The following MNAT1 variants were observed in gnomAD, a reference collection of about 807,000 sequenced individuals.
The protein encoded by MNAT1 is CDK-activating kinase assembly factor MAT1.
Under a neutral mutation model 42.0 loss-of-function variants are expected in MNAT1, and 43 were observed. The ratio of observed to expected loss-of-function variants is 1.02; its 90% CI spans 0.80 to 1.32. The LOEUF is 1.32. MNAT1 is among the 40% of genes most tolerant of loss of function. The pLI, the probability that MNAT1 is intolerant of heterozygous loss-of-function variation, is 0.00. For synonymous variants in MNAT1, 118 were observed against 120.0 expected, an observed-to-expected ratio of 0.98 and a Z score of 0.11; for missense variants, 306 against 350.4, an observed-to-expected ratio of 0.87 and a Z score of 1.01.
chr14:60,853,211 C>T (rs542260066), intron 6 of MNAT1, among the ~76,000 whole-genome samples: 11 of 152,200 alleles, frequency 7.2e-5, no homozygotes, highest in Non-Finnish European at 1.6e-4. Context: ...TGTGTCCTCT[C>T]TTATTTCCTT....
intron 7 of MNAT1, among the ~76,000 whole-genome samples, chr14:60,941,891 C>G (rs1169635436): frequency 2.0e-5 from 3 of 147,676 alleles, no homozygotes; most frequent in East Asian, 2.0e-4. Flanking sequence ...GTAATTGCAG[C>G]TACTCGGGAG....
intron 1 of MNAT1, among the ~76,000 whole-genome samples, chr14:60,766,434 C>T (rs906465613): frequency 5.3e-5 from 8 of 151,972 alleles, no homozygotes; most frequent in Non-Finnish European, 1.0e-4. Flanking sequence ...CTTTTTGTGG[C>T]CTGGCGTGGT....
intron 7 of MNAT1, among the ~76,000 whole-genome samples, chr14:60,900,564 C>T (rs373411235): frequency 9.2e-5 from 14 of 152,228 alleles, no homozygotes; most frequent in East Asian, 1.9e-4. Flanking sequence ...ATTTCCGTAA[C>T]GTAAAGTGCA....
Position 60,785,663 on chromosome 14 carries a change from T to A in MNAT1, c.90-10554T>A, listed in dbSNP as rs1253054250. 2.0e-5 allele frequency among the ~76,000 whole-genome samples: 3 copies of A among 152,232 alleles called. No homozygotes were observed. In the East Asian group the frequency reaches 5.8e-4, roughly 29 times the overall value. On this transcript the variant is annotated intron_variant, in intron 1 of 7. Transcript: ENST00000261245. Reference sequence around the variant, plus strand: ...AGATGATAGTTTATTCTCACACATCTGCTTTATATAGCTTATATAATTTAG... The same window carrying A: ...AGATGATAGTTTATTCTCACACATCAGCTTTATATAGCTTATATAATTTAG...
chr14:60,757,773 G>A (rs751552355), intron 1 of MNAT1, among the ~76,000 whole-genome samples: 10 of 152,112 alleles, frequency 6.6e-5, no homozygotes, highest in Non-Finnish European at 1.2e-4. Context: ...ATGCATTTCC[G>A]TGCTTTTAGG....
At chr14:60,890,686 A>G (rs1200070820) in intron 7 of MNAT1, among the ~76,000 whole-genome samples, 4 of 152,198 alleles carry the variant, frequency 2.6e-5, no homozygotes, top group South Asian at 2.1e-4. Flanking sequence ...TTGGAGTCCA[A>G]TGTTTGAGGA....
intron 7 of MNAT1, among the ~76,000 whole-genome samples, chr14:60,926,355 T>C (rs1022895370): frequency 2.0e-5 from 3 of 152,166 alleles, no homozygotes; most frequent in African/African-American, 4.8e-5. Context: ...GAAGATAGTA[T>C]CATATACCAC....
At chr14:60,870,977 G>A (rs1201906468) in intron 6 of MNAT1, among the ~76,000 whole-genome samples, 1 of 152,112 alleles carries the variant, frequency 6.6e-6, no homozygotes, top group Non-Finnish European at 1.5e-5. Context: ...ACATTTCCTA[G>A]AAGTGGAATC....
intron 1 of MNAT1, among the ~76,000 whole-genome samples, chr14:60,757,097 A>C (rs1244210796): frequency 6.6e-6 from 1 of 152,208 alleles, no homozygotes; most frequent in Non-Finnish European, 1.5e-5. Context: ...ATCATATGCA[A>C]CTTTCTGGTA....
intron 7 of MNAT1, among the ~76,000 whole-genome samples, chr14:60,962,849 A>G (rs1320344079): frequency 6.6e-6 from 1 of 152,188 alleles, no homozygotes; most frequent in Non-Finnish European, 1.5e-5. Flanking sequence ...GTAAATCTGA[A>G]TTCAGTTTTA....
intron 7 of MNAT1, among the ~76,000 whole-genome samples, chr14:60,924,121 T>A (rs1450206802): frequency 2.6e-5 from 4 of 152,162 alleles, no homozygotes; most frequent in Non-Finnish European, 5.9e-5. Flanking sequence ...CTGTTTCAAA[T>A]AGTCTAATTT....
chr14:60,818,426 T>C (rs554490827), intron 5 of MNAT1, among the ~76,000 whole-genome samples: 3 of 152,150 alleles, frequency 2.0e-5, no homozygotes, highest in African/African-American at 7.2e-5. Context: ...TACTACTCTT[T>C]TTGTGATTAG....
intron 7 of MNAT1, among the ~76,000 whole-genome samples, chr14:60,918,675 G>A (rs553644579): frequency 3.3e-5 from 5 of 150,176 alleles, no homozygotes; most frequent in Admixed American, 1.3e-4. Context: ...GATGGTCAAG[G>A]TTCTTGTTCC....
At position 60,782,326 on chromosome 14, in the gene MNAT1, AGGACTACCTTACATGG is replaced by A. The variant is rs549411356; in HGVS notation, c.90-13890_90-13875del. On this transcript the variant is annotated intron_variant, in intron 1 of 7. Coordinates refer to ENST00000261245, the MANE Select transcript of MNAT1 (RefSeq NM_002431.4). ...AATACTGTGGTAGAAAAGGGTGAGA[AGGACTACCTTACATGG>A]ACTGTTTTTATTTTTTGTCAAAACG... is the stretch of plus-strand genomic sequence containing the variant. Among the ~76,000 whole-genome samples, 21 of 152,258 alleles carry A rather than the reference AGGACTACCTTACATGG, an allele frequency of 1.4e-4. No individual in the cohort carries two copies. The South Asian group carries it at 4.1e-3, about 30-fold the overall frequency.
At chr14:60,791,733 C>T (rs1316263853) in intron 1 of MNAT1, among the ~76,000 whole-genome samples, 1 of 151,780 alleles carries the variant, frequency 6.6e-6, no homozygotes, top group East Asian at 1.9e-4. Context: ...GATTGTATAC[C>T]CCTTCTATCA....
chr14:60,830,860 G>C (rs2033193418), intron 6 of MNAT1, among the ~76,000 whole-genome samples: 2 of 150,154 alleles, frequency 1.3e-5, no homozygotes, highest in Non-Finnish European at 3.0e-5. Flanking sequence ...ACAACTTCAG[G>C]GGCTGTGGTT....
At chr14:60,862,606 A>G (rs1164121579) in intron 6 of MNAT1, among the ~76,000 whole-genome samples, 1 of 152,250 alleles carries the variant, frequency 6.6e-6, no homozygotes, top group Non-Finnish European at 1.5e-5. Flanking sequence ...GGGCATGTAC[A>G]GTTGAATGAA....
intron 1 of MNAT1, chr14:60,754,101 A>T (rs1198903377): frequency 1.3e-5 from 2 of 152,210 alleles, no homozygotes; most frequent in African/African-American, 2.4e-5. Context: ...TCTTCAGATG[A>T]CTGCAGCCCC....
At chr14:60,842,274 A>G (rs1043373570) in intron 6 of MNAT1, among the ~76,000 whole-genome samples, 1 of 151,998 alleles carries the variant, frequency 6.6e-6, no homozygotes, top group Admixed American at 6.5e-5. Flanking sequence ...GTTAACTCCC[A>G]CTTTAGAGTT....
Sources: gnomAD v4.1 joint callset for allele counts (sites outside exome capture counted in the v4.1 genomes callset) on GRCh38, gnomAD v4.1.1 for gene constraint, MANE v1.5 for transcripts, NCBI Gene and HGNC (gene_info 2026-07-23, HGNC 2026-07-21) for gene names.